ESRRG: variants seen among roughly 807,000 people sequenced by gnomAD.
ESRRG encodes the protein estrogen-related receptor gamma.
Under a neutral mutation model 44.0 loss-of-function variants are expected in ESRRG, and 13 were observed. The ratio of observed to expected loss-of-function variants is 0.30; its 90% CI spans 0.19 to 0.47. The LOEUF (loss-of-function observed/expected upper bound fraction) is 0.47. Among genes scored for constraint, ESRRG ranks in the 20% least tolerant of loss-of-function variants. ESRRG has a pLI of 1.00. For missense variants in ESRRG, 395 were observed against 580.6 expected (o/e 0.68, Z 3.29); for synonymous variants, 215 against 214.6 (o/e 1.00, Z -0.02).
chr1:216,597,589 C>G (rs547137694), intron 3 of ESRRG, among the ~76,000 whole-genome samples: 1 of 152,194 alleles, frequency 6.6e-6, no homozygotes, highest in Non-Finnish European at 1.5e-5. Context: ...ATTTCAAATG[C>G]TTCCCAGTCA....
At chr1:216,513,684 A>C (rs901677289) in intron 6 of ESRRG, among the ~76,000 whole-genome samples, 1 of 152,098 alleles carries the variant, frequency 6.6e-6, no homozygotes, top group Non-Finnish European at 1.5e-5. Flanking sequence ...ATTACTATTA[A>C]TATTGTTATG....
intron 6 of ESRRG, among the ~76,000 whole-genome samples, chr1:216,515,004 C>T (rs2799470): frequency 0.49 from 74,011 of 151,490 alleles, 19,292 homozygotes; most frequent in Non-Finnish European, 0.61. Context: ...CTTACATATG[C>T]ACATATATAT....
intron 2 of ESRRG, among the ~76,000 whole-genome samples, chr1:216,797,789 G>A (rs1283409658): frequency 2.0e-5 from 3 of 152,102 alleles, no homozygotes; most frequent in African/African-American, 7.2e-5. Context: ...TTGATCACCT[G>A]CTTAAGGTAG....
intron 2 of ESRRG, among the ~76,000 whole-genome samples, chr1:216,836,832 T>G (rs575054470): frequency 2.9e-4 from 44 of 151,956 alleles, no homozygotes. Flanking sequence ...CAAATGAGAG[T>G]TGGTAGATGG....
At chr1:217,067,443 G>T (rs1204496554) in intron 1 of ESRRG, among the ~76,000 whole-genome samples, 7 of 152,186 alleles carry the variant, frequency 4.6e-5, no homozygotes, top group Non-Finnish European at 8.8e-5. Context: ...ATAACTAATA[G>T]CTTGACACTC....
intron 1 of ESRRG, among the ~76,000 whole-genome samples, chr1:217,026,888 T>TACACACACACAC (rs71163785): frequency 1.7e-4 from 18 of 105,380 alleles, no homozygotes; most frequent in Non-Finnish European, 3.0e-4. Flanking sequence ...CACACACACA[T>TACACACACACAC]ACACACACAC....
chr1:216,734,426 T>C (rs1232736101), intron 2 of ESRRG, among the ~76,000 whole-genome samples: 1 of 152,186 alleles, frequency 6.6e-6, no homozygotes, highest in Non-Finnish European at 1.5e-5. Flanking sequence ...CTCGCAGTGA[T>C]GAGTGTGTTC....
intron 2 of ESRRG, among the ~76,000 whole-genome samples, chr1:216,813,847 G>A (rs769213499): frequency 6.6e-6 from 1 of 152,088 alleles, no homozygotes; most frequent in Non-Finnish European, 1.5e-5. Context: ...CATTCCCCTA[G>A]GAAAGAATTC....
intron 5 of ESRRG, among the ~76,000 whole-genome samples, chr1:216,524,330 G>A (rs1200068391): frequency 1.4e-5 from 2 of 146,252 alleles, no homozygotes; most frequent in Admixed American, 6.7e-5. Context: ...CTGGAACTCA[G>A]TAGGAGCTAG....
At chr1:217,111,965 TTATAATGCAGCCAA>T (rs2092666396) in intron 1 of ESRRG, among the ~76,000 whole-genome samples, 1 of 151,708 alleles carries the variant, frequency 6.6e-6, no homozygotes, top group South Asian at 2.1e-4. Context: ...ACATTCCCTC[TTATAATGCAGCCAA>T]TGCCACAGAG....
At chr1:216,581,096 A>C (rs2149809644) in intron 3 of ESRRG, among the ~76,000 whole-genome samples, 1 of 152,322 alleles carries the variant, frequency 6.6e-6, no homozygotes, top group African/African-American at 2.4e-5. Context: ...AAGTGAGCTG[A>C]GGAGGATATG....
intron 3 of ESRRG, among the ~76,000 whole-genome samples, chr1:216,621,637 C>T (rs576919625): frequency 1.3e-4 from 20 of 152,258 alleles, no homozygotes; most frequent in African/African-American, 4.8e-4. Context: ...CCATCTGGGG[C>T]AGGCCATCAA....
intron 2 of ESRRG, among the ~76,000 whole-genome samples, chr1:216,785,552 A>G (rs2094096917): frequency 6.6e-6 from 1 of 152,080 alleles, no homozygotes; most frequent in Non-Finnish European, 1.5e-5. Context: ...AGCTATTTTC[A>G]GTGGCAATAT....
At chr1:216,511,434 A>AAACAACAAC (rs58208125) in intron 6 of ESRRG, among the ~76,000 whole-genome samples, 1 of 151,186 alleles carries the variant, frequency 6.6e-6, no homozygotes, top group African/African-American at 2.4e-5. Context: ...ATGATCACAT[A>AAACAACAAC]AACAACAACA....
At chr1:216,888,983 C>T (rs114993322) in intron 2 of ESRRG, among the ~76,000 whole-genome samples, 1 of 152,268 alleles carries the variant, frequency 6.6e-6, no homozygotes, top group African/African-American at 2.4e-5. Context: ...AAAATAAGCT[C>T]ATCCTTGCAT....
intron 1 of ESRRG, among the ~76,000 whole-genome samples, chr1:216,970,618 C>T (rs1053419882): frequency 6.6e-6 from 1 of 152,072 alleles, no homozygotes; most frequent in Middle Eastern, 3.2e-3. Context: ...ATATTTTTAA[C>T]CTAATCATGG....
intron 2 of ESRRG, chr1:216,863,217 ATGGTGC>A (rs2096083217): frequency 6.6e-6 from 1 of 152,162 alleles, no homozygotes; most frequent in South Asian, 2.1e-4. Context: ...GTGAATGCTG[ATGGTGC>A]TGGTCCCAGG....
At chr1:216,868,519 T>C (rs147830806) in intron 2 of ESRRG, among the ~76,000 whole-genome samples, 199 of 152,326 alleles carry the variant, frequency 1.3e-3, no homozygotes, top group Middle Eastern at 0.01. Flanking sequence ...ATAGCGCTGG[T>C]ATAAATAATT....
chr1:216,779,651 T>C (rs1195880174), intron 2 of ESRRG, among the ~76,000 whole-genome samples: 1 of 142,498 alleles, frequency 7.0e-6, no homozygotes, highest in African/African-American at 2.6e-5. Context: ...CTGGTTACAG[T>C]CTTACTTTTT....
Sources: gnomAD v4.1 joint callset for allele counts (sites outside exome capture counted in the v4.1 genomes callset) on GRCh38, gnomAD v4.1.1 for gene constraint, MANE v1.5 for transcripts, NCBI Gene and HGNC (gene_info 2026-07-23, HGNC 2026-07-21) for gene names.